Variants in GOPC observed in about 807,000 individuals in gnomAD.
GOPC encodes Golgi-associated PDZ and coiled-coil motif-containing protein.
Under a neutral mutation model 51.2 loss-of-function variants are expected in GOPC, and 32 were observed. The ratio of observed to expected loss-of-function variants is 0.63; its 90% confidence interval spans 0.47 to 0.84. The LOEUF (loss-of-function observed/expected upper bound fraction) is 0.84. GOPC is among the 40% of genes least tolerant of loss of function. The probability of loss-of-function intolerance (pLI) is 0.00; values close to 1 mark genes in which losing one functional copy is unlikely to be tolerated. For synonymous variants in GOPC, 190 were observed against 205.1 expected, an observed-to-expected ratio of 0.93 and a Z score of 0.63; for missense variants, 441 against 555.5, an observed-to-expected ratio of 0.79 and a Z score of 2.07.
chr6:117,595,505 G>T (rs1406324593), intron 1 of GOPC, among the ~76,000 whole-genome samples: 1 of 152,128 alleles, frequency 6.6e-6, no homozygotes, highest in African/African-American at 2.4e-5. Flanking sequence ...CCTGAGCAGT[G>T]TACACTGTAT....
chr6:117,601,576 C>T (rs1336943006), intron 1 of GOPC, among the ~76,000 whole-genome samples: 3 of 152,122 alleles, frequency 2.0e-5, no homozygotes, highest in Non-Finnish European at 4.4e-5. Flanking sequence ...TAGGCGCTGA[C>T]CTGGAATAAT....
chr6:117,569,075 A>C (rs1779755391), intron 7 of GOPC, among the ~76,000 whole-genome samples: 1 of 152,194 alleles, frequency 6.6e-6, no homozygotes, highest in African/African-American at 2.4e-5. Context: ...CTTTGAGTAA[A>C]TCCTTTCATC....
chr6:117,593,508 CTCTT>C (rs1263603373), intron 1 of GOPC, among the ~76,000 whole-genome samples: 4 of 152,216 alleles, frequency 2.6e-5, no homozygotes, highest in Admixed American at 6.5e-5. Context: ...GCCACACTCA[CTCTT>C]TCTGTCTGCT....
intron 1 of GOPC, among the ~76,000 whole-genome samples, chr6:117,588,477 T>G (rs11754460): frequency 0.036 from 5,407 of 152,138 alleles, 128 homozygotes; most frequent in Non-Finnish European, 0.051. Flanking sequence ...GGTTTCACCA[T>G]GTTGGCCAGA....
chr6:117,563,066 T>A lies in GOPC; in HGVS notation c.*188A>T, dbSNP rs2114597390. 1.8e-6 allele frequency: 1 copy of A among 556,892 alleles called. No homozygotes were observed. Among genetic ancestry groups the A allele is most frequent in the Middle Eastern group, 4.9e-4 (1 of 2,030 alleles). The allele number at this position is 556,892 out of a possible 1,614,324, so 34.5% of individuals were successfully genotyped here. A position where few individuals can be genotyped will look rare whatever the true frequency, so the allele number is the denominator to read the frequency against. On this transcript the variant is annotated 3_prime_UTR_variant, in exon 9 of 9. Coordinates refer to ENST00000368498, the MANE Select transcript of GOPC (RefSeq NM_020399.4). ...AAATTGCTTTACATGCAATAGCTAA[T>A]TATGGTCTACCACAGAAAACAGGGT...
At chr6:117,588,154 T>C (rs1036806546) in intron 1 of GOPC, among the ~76,000 whole-genome samples, 6 of 152,326 alleles carry the variant, frequency 3.9e-5, no homozygotes, top group African/African-American at 1.4e-4. Context: ...TAGTCTTCAC[T>C]GCTATAAAGA....
At chr6:117,577,289 T>C (rs776462421) in intron 3 of GOPC, among the ~76,000 whole-genome samples, 159 bp downstream of exon 3, 7 of 151,968 alleles carry the variant, frequency 4.6e-5, no homozygotes, top group Admixed American at 1.3e-4. Flanking sequence ...AAAAGAGCAA[T>C]GGGCCATCCA....
At chr6:117,598,326 T>C (rs1771916410) in intron 1 of GOPC, among the ~76,000 whole-genome samples, 1 of 151,896 alleles carries the variant, frequency 6.6e-6, no homozygotes, top group South Asian at 2.1e-4. Flanking sequence ...TGAGCTATGA[T>C]TGCACCACTG....
At chr6:117,597,753 A>C (rs576909589) in intron 1 of GOPC, among the ~76,000 whole-genome samples, 1 of 152,350 alleles carries the variant, frequency 6.6e-6, no homozygotes, top group South Asian at 2.1e-4. Context: ...AAAACTAAAA[A>C]TAGAACATAT....
rs1779589515 is a variant in GOPC, at chr6:117,561,814, C to T, written c.*1440G>A. On this transcript the variant is annotated 3_prime_UTR_variant, in exon 9 of 9. Coordinates refer to ENST00000368498, the MANE Select transcript of GOPC (RefSeq NM_020399.4). ...AACCATAAATGAGCAACAGTTAAAACATTAAATTTATAAATAGCAAAACCA... is the reference window on the plus strand; with the variant it reads ...AACCATAAATGAGCAACAGTTAAAATATTAAATTTATAAATAGCAAAACCA... 1 of 206,902 alleles carries T rather than the reference C, an allele frequency of 4.8e-6. No individual in the cohort carries two copies. The highest frequency in any genetic ancestry group is 7.4e-5 in the East Asian group (1 of 13,580). The allele number at this position is 206,902 out of a possible 1,614,324, so 12.8% of individuals were successfully genotyped here.
chr6:117,573,435 C>G (rs755460607), intron 5 of GOPC, 32 bp downstream of exon 5: 24 of 1,590,896 alleles, frequency 1.5e-5, no homozygotes, highest in Non-Finnish European at 1.9e-5. Flanking sequence ...AAAGAAGAGG[C>G]TGGGTGGGAA....
At chr6:117,586,215 C>T (rs1780030890) in intron 1 of GOPC, among the ~76,000 whole-genome samples, 1 of 151,814 alleles carries the variant, frequency 6.6e-6, no homozygotes, top group African/African-American at 2.4e-5. Flanking sequence ...GGCTTTAAAC[C>T]TCATATAGTC....
At chr6:117,588,192 T>C (rs1490300311) in intron 1 of GOPC, among the ~76,000 whole-genome samples, 1 of 152,100 alleles carries the variant, frequency 6.6e-6, no homozygotes, top group African/African-American at 2.4e-5. Flanking sequence ...AATTTATAAA[T>C]ATTATTATTA....
At chr6:117,587,029 T>C (rs976884947) in intron 1 of GOPC, among the ~76,000 whole-genome samples, 4 of 152,198 alleles carry the variant, frequency 2.6e-5, no homozygotes, top group Non-Finnish European at 4.4e-5. Context: ...CACAAGACTA[T>C]GACCAAACAG....
chr6:117,587,740 G>A (rs972096036), intron 1 of GOPC, among the ~76,000 whole-genome samples: 3 of 152,148 alleles, frequency 2.0e-5, no homozygotes. Flanking sequence ...TTGACATACT[G>A]AAGGTACAAA....
intron 1 of GOPC, among the ~76,000 whole-genome samples, chr6:117,581,330 G>T (rs1256577417): frequency 2.6e-5 from 4 of 152,114 alleles, no homozygotes; most frequent in Non-Finnish European, 5.9e-5. Context: ...TTACTTCCTG[G>T]AGATCACTCC....
chr6:117,589,562 C>T (rs952241720), intron 1 of GOPC, among the ~76,000 whole-genome samples: 8 of 152,184 alleles, frequency 5.3e-5, no homozygotes, highest in South Asian at 4.2e-4. Context: ...CAGGTGATAA[C>T]GCCCACCTCA....
At chr6:117,581,325 T>C (rs1779954429) in intron 1 of GOPC, among the ~76,000 whole-genome samples, 1 of 152,204 alleles carries the variant, frequency 6.6e-6, no homozygotes, top group South Asian at 2.1e-4. Context: ...CTTTTTTACT[T>C]CCTGGAGATC....
At chr6:117,568,260 T>C (rs1053712710) in intron 7 of GOPC, among the ~76,000 whole-genome samples, 2 of 152,060 alleles carry the variant, frequency 1.3e-5, no homozygotes, top group African/African-American at 4.8e-5. Flanking sequence ...CAAGCTATAA[T>C]TGTCATTTAA....
Sources: allele counts gnomAD v4.1 joint callset (sites outside exome capture counted in the v4.1 genomes callset), GRCh38; gene constraint gnomAD v4.1.1; transcripts MANE v1.5; gene names NCBI Gene and HGNC (gene_info 2026-07-23, HGNC 2026-07-21).